The following CHRM2 variants were observed in gnomAD, a reference collection of about 807,000 sequenced individuals.
The protein encoded by CHRM2 is cholinergic receptor muscarinic 2, also known as muscarinic acetylcholine receptor M2.
CHRM2 carries 8 observed loss-of-function variants against 25.0 expected under a neutral mutation model. The observed-to-expected ratio is 0.32, with a 90% CI of 0.19 to 0.58. The LOEUF (loss-of-function observed/expected upper bound fraction) is 0.58. Among genes scored for constraint, CHRM2 ranks in the 20% least tolerant of loss-of-function variants. CHRM2 has a pLI of 0.88. For missense variants in CHRM2, 440 were observed against 567.1 expected, an observed-to-expected ratio of 0.78 and a Z score of 2.28; for synonymous variants, 202 against 205.7, an observed-to-expected ratio of 0.98 and a Z score of 0.15.
At chr7:136,970,187 T>A (rs1479400286) in intron 2 of CHRM2, among the ~76,000 whole-genome samples, 1 of 152,166 alleles carries the variant, frequency 6.6e-6, no homozygotes, top group African/African-American at 2.4e-5. Context: ...ATTCAGTCCA[T>A]AAGAAAATGT....
At chr7:136,979,852 G>A (rs1802365407) in intron 2 of CHRM2, among the ~76,000 whole-genome samples, 1 of 152,158 alleles carries the variant, frequency 6.6e-6, no homozygotes, top group Non-Finnish European at 1.5e-5. Flanking sequence ...CTGTGGCCTT[G>A]TAGTATAGTT....
At chr7:136,985,917 G>A (rs1041603139) in intron 2 of CHRM2, among the ~76,000 whole-genome samples, 3 of 152,224 alleles carry the variant, frequency 2.0e-5, no homozygotes, top group African/African-American at 7.2e-5. Flanking sequence ...ACCAGTGGAT[G>A]AGGCAAACAA....
chr7:136,987,254 T>A (rs1233089130), intron 2 of CHRM2, among the ~76,000 whole-genome samples: 1 of 152,180 alleles, frequency 6.6e-6, no homozygotes, highest in Non-Finnish European at 1.5e-5. Flanking sequence ...CAGCCCACAG[T>A]CAAAAGTTCC....
At chr7:136,891,244 A>G (rs1455691450) in intron 2 of CHRM2, among the ~76,000 whole-genome samples, 1 of 152,110 alleles carries the variant, frequency 6.6e-6, no homozygotes, top group African/African-American at 2.4e-5. Flanking sequence ...CCTCTTTCTG[A>G]TTGGTGTCCC....
In CHRM2 at chr7:137,000,579, G is replaced by GGAAA. The variant is rs1210568961; in HGVS notation, c.-47+8318_-47+8319insAGAA. ...AGGAAGGAAGGAAGGAAGGAAGGAAGGAAGGAAGGAAGGGAAAAAAAGCAA... is the reference window on the plus strand; with the variant it reads ...AGGAAGGAAGGAAGGAAGGAAGGAAGGAAAGAAGGAAGGAAGGGAAAAAAAGCAA... On this transcript the variant is annotated intron_variant, in intron 3 of 3. Coordinates refer to ENST00000680005, the MANE Select transcript of CHRM2 (RefSeq NM_001006630.2). 6.7e-5 allele frequency among the ~76,000 whole-genome samples: 10 copies of GGAAA among 149,970 alleles called. 1 individual carries two copies. The Admixed American group carries it at 6.7e-4, about 10-fold the overall frequency.
chr7:136,915,211 G>A (rs1798041253), intron 2 of CHRM2, among the ~76,000 whole-genome samples: 1 of 151,702 alleles, frequency 6.6e-6, no homozygotes. Flanking sequence ...TTAAGGGAAA[G>A]GCAACTATTA....
At chr7:137,004,932 T>A (rs1333647458) in intron 3 of CHRM2, among the ~76,000 whole-genome samples, 2 of 152,282 alleles carry the variant, frequency 1.3e-5, no homozygotes, top group South Asian at 4.1e-4. Flanking sequence ...AATCATTTTG[T>A]CTTTCGACTG....
chr7:136,888,435 G>C (rs1303939990), intron 2 of CHRM2, among the ~76,000 whole-genome samples: 1 of 152,150 alleles, frequency 6.6e-6, no homozygotes, highest in Non-Finnish European at 1.5e-5. Flanking sequence ...GAAGCTGTGA[G>C]AATTCAGCGA....
chr7:136,964,224 AAT>A (rs112659942), intron 2 of CHRM2, among the ~76,000 whole-genome samples: 72 of 151,452 alleles, frequency 4.8e-4, no homozygotes, highest in Admixed American at 1.8e-3. Context: ...GAAATGGTTA[AAT>A]ATATATATAT....
intron 2 of CHRM2, among the ~76,000 whole-genome samples, chr7:136,932,914 C>T (rs1584779083): frequency 6.6e-6 from 1 of 152,212 alleles, no homozygotes; most frequent in African/African-American, 2.4e-5. Flanking sequence ...CCTGTAGTCC[C>T]AGCTACTCAG....
At chr7:136,893,667 TAGA>T (rs1796781874) in intron 2 of CHRM2, among the ~76,000 whole-genome samples, 1 of 152,216 alleles carries the variant, frequency 6.6e-6, no homozygotes, top group Non-Finnish European at 1.5e-5. Flanking sequence ...CAGTCTTCCA[TAGA>T]AGAAGGTGTT....
chr7:136,966,022 G>T (rs1214847715), intron 2 of CHRM2, among the ~76,000 whole-genome samples: 1 of 151,996 alleles, frequency 6.6e-6, no homozygotes, highest in East Asian at 1.9e-4. Context: ...GTACCAGAGG[G>T]AGACAGAACT....
chr7:136,960,589 A>C (rs143879438), intron 2 of CHRM2, among the ~76,000 whole-genome samples: 1 of 152,360 alleles, frequency 6.6e-6, no homozygotes, highest in East Asian at 1.9e-4. Context: ...CTTAACTATA[A>C]GTTGTAGAGT....
chr7:136,942,699 T>C (rs1414291031), intron 2 of CHRM2, among the ~76,000 whole-genome samples: 1 of 152,124 alleles, frequency 6.6e-6, no homozygotes, highest in Non-Finnish European at 1.5e-5. Flanking sequence ...CTTCTCATCA[T>C]CTTCTGTGGT....
intron 2 of CHRM2, among the ~76,000 whole-genome samples, chr7:136,984,252 G>T (rs1235153851): frequency 6.6e-6 from 1 of 152,084 alleles, no homozygotes; most frequent in African/African-American, 2.4e-5. Context: ...GGGGAAAGCC[G>T]CCTACTCAAG....
At chr7:136,926,909 T>A (rs549744369) in intron 2 of CHRM2, among the ~76,000 whole-genome samples, 3 of 152,218 alleles carry the variant, frequency 2.0e-5, no homozygotes, top group Non-Finnish European at 4.4e-5. Flanking sequence ...CTGCCTAAAC[T>A]AGCATATTCA....
intron 3 of CHRM2, among the ~76,000 whole-genome samples, chr7:137,013,338 G>GA (rs1804949795): frequency 6.8e-6 from 1 of 146,860 alleles, no homozygotes; most frequent in Non-Finnish European, 1.5e-5. Context: ...TTCCAAAGCA[G>GA]AAAAAATTAT....
At chr7:136,938,709 A>G (rs1183017655) in intron 2 of CHRM2, among the ~76,000 whole-genome samples, 1 of 151,980 alleles carries the variant, frequency 6.6e-6, no homozygotes, top group African/African-American at 2.4e-5. Context: ...ACCTTGTAGG[A>G]CTGTACCCCT....
At chr7:136,931,283 T>C (rs1430702768) in intron 2 of CHRM2, among the ~76,000 whole-genome samples, 3 of 152,198 alleles carry the variant, frequency 2.0e-5, no homozygotes, top group Admixed American at 1.3e-4. Flanking sequence ...CAGATAGAGA[T>C]TTGTGTTCCA....
Sources: allele counts gnomAD v4.1 joint callset (sites outside exome capture counted in the v4.1 genomes callset), GRCh38; gene constraint gnomAD v4.1.1; transcripts MANE v1.5; gene names NCBI Gene and HGNC (gene_info 2026-07-23, HGNC 2026-07-21).